Variants in ZNF613 observed in about 807,000 individuals in gnomAD.
ZNF613 encodes zinc finger protein 613.
A neutral mutation model predicts 14.3 loss-of-function variants in ZNF613; 8 were observed. The ratio of observed to expected loss-of-function variants is 0.56; its 90% CI spans 0.33 to 1.01. The LOEUF is 1.01. ZNF613 is among the 50% of genes least tolerant of loss of function. The probability of loss-of-function intolerance (pLI) is 0.03; values close to 1 mark genes in which losing one functional copy is unlikely to be tolerated. For synonymous variants in ZNF613, 228 were observed against 254.5 expected (o/e 0.90, Z 0.99); for missense variants, 656 against 741.9 (o/e 0.88, Z 1.35).
At chr19:51,938,661 A>G (rs954745268) in intron 3 of ZNF613, among the ~76,000 whole-genome samples, 1 of 151,038 alleles carries the variant, frequency 6.6e-6, no homozygotes, top group Admixed American at 6.6e-5. Flanking sequence ...TTCCATGTTC[A>G]AAGCCAGTTC....
chr19:51,942,041 A>G (rs1208963797), intron 5 of ZNF613, among the ~76,000 whole-genome samples: 1 of 152,220 alleles, frequency 6.6e-6, no homozygotes, highest in East Asian at 1.9e-4. Flanking sequence ...AGTGAATCAT[A>G]GCAGTCATAT....
Position 51,936,120 on chromosome 19 carries a change from C to A in ZNF613, c.-101C>A. 7.8e-7 allele frequency: 1 copy of A among 1,288,388 alleles called. No individual in the cohort carries two copies. The highest frequency in any genetic ancestry group is 1.1e-6 in the Non-Finnish European group (1 of 929,076). 79.8% of individuals were successfully genotyped at this position (1,288,388 alleles called of 1,614,324 possible). A position where few individuals can be genotyped will look rare whatever the true frequency, so the allele number is the denominator to read the frequency against. On this transcript the variant is annotated 5_prime_UTR_variant, in exon 3 of 6. Transcript: ENST00000293471. ...TACCATCCTTTGCAGGGATGTAATT[C>A]ACCAGAGACCAAGATTTCTAGCCAG...
Position 51,945,089 on chromosome 19 carries a change from C to T in ZNF613, c.1206C>T (p.Cys402=), listed in dbSNP as rs1020683551. 1 of 1,614,182 alleles carries T rather than the reference C, an allele frequency of 6.2e-7. No homozygotes were observed. Among genetic ancestry groups the T allele is most frequent in the Admixed American group, 1.7e-5 (1 of 60,004 alleles). The change falls in exon 6 of 6, where the codon TGC becomes TGT. Residue 402 remains cysteine, a synonymous_variant. Transcript: ENST00000293471. ...ATACTGGAGAAAAACCCTATATATG[C>T]AATGAATGTGGAAAAGGCTTCATCC... The part of the protein sequence containing the change: ...RIHTGEKPYI[C]NECGKGFIQK...
intron 2 of ZNF613, among the ~76,000 whole-genome samples, chr19:51,933,477 T>G (rs900322380): frequency 1.9e-4 from 29 of 152,148 alleles, no homozygotes; most frequent in Admixed American, 5.2e-4. Context: ...AGGGTCTCAC[T>G]CTGTCACCTA....
chr19:51,931,762 C>T (rs563866682), intron 2 of ZNF613, among the ~76,000 whole-genome samples: 61 of 152,296 alleles, frequency 4.0e-4, no homozygotes, highest in African/African-American at 1.4e-3. Flanking sequence ...TTCACATTCT[C>T]CCCTCCAGTA....
At chr19:51,928,533 A>G (rs907725913) in intron 1 of ZNF613, among the ~76,000 whole-genome samples, 3 of 152,164 alleles carry the variant, frequency 2.0e-5, no homozygotes, top group Non-Finnish European at 2.9e-5. Flanking sequence ...GTAAATAGGA[A>G]AGCTTTGGGG....
Position 51,945,744 on chromosome 19 carries a change from T to A in ZNF613, c.*7T>A, listed in dbSNP as rs376311627. 5 of 1,613,632 alleles carry A rather than the reference T, an allele frequency of 3.1e-6. No individual in the cohort carries two copies. In the African/African-American group the frequency reaches 4.0e-5, roughly 13 times the overall value. On this transcript the variant is annotated 3_prime_UTR_variant, in exon 6 of 6. Coordinates refer to ENST00000293471, the MANE Select transcript of ZNF613 (RefSeq NM_001031721.4). ...TAGAATTTGCACAGAATAAAAACCATATGAATGCAGTGAATGTGGTAGTGC... is the reference window on the plus strand; with the variant it reads ...TAGAATTTGCACAGAATAAAAACCAAATGAATGCAGTGAATGTGGTAGTGC...
intron 5 of ZNF613, chr19:51,942,701 T>C (rs1422950466): frequency 2.4e-5 from 2 of 83,924 alleles, no homozygotes; most frequent in East Asian, 2.3e-4. Flanking sequence ...AATGACTTGA[T>C]TTTTTTTTTT....
In ZNF613 at chr19:51,944,623, T is replaced by A. The variant is rs1170181203; in HGVS notation, c.740T>A (p.Leu247His). 3.1e-6 allele frequency: 5 copies of A among 1,614,150 alleles called. No individual in the cohort carries two copies. In the South Asian group the frequency reaches 5.5e-5, roughly 18 times the overall value. Residue 247 changes from leucine (L) to histidine (H), a missense_variant, in exon 6 of 6, where the codon CTC (leucine) becomes CAC (histidine). Leu to His is a moderately conservative substitution (Grantham distance 99). Coordinates refer to ENST00000293471, the MANE Select transcript of ZNF613 (RefSeq NM_001031721.4). ...CGKAFSRKSG[L>H]TEHQRNHTGE... is the part of the protein sequence containing the mutation. ...AAAGCCTTCTCCAGAAAGTCCGGGCTCACTGAACACCAGAGAAACCACACA... is the reference window on the plus strand; with the variant it reads ...AAAGCCTTCTCCAGAAAGTCCGGGCACACTGAACACCAGAGAAACCACACA...
Position 51,945,929 on chromosome 19 carries a change from A to C in ZNF613, c.*192A>C. The C allele has an allele frequency of 1.6e-6, 1 of 608,292 alleles. No homozygotes were observed. Among genetic ancestry groups the C allele is most frequent in the Non-Finnish European group, 2.9e-6 (1 of 348,470 alleles). The allele number at this position is 608,292 out of a possible 1,614,324, so 37.7% of individuals were successfully genotyped here. ...CTGGGAAATTCTTTTATGGGAAGAT[A>C]GATCTTCTCATCAGTGACCATAGAT... is the stretch of plus-strand genomic sequence containing the variant. On this transcript the variant is annotated 3_prime_UTR_variant, in exon 6 of 6. Coordinates refer to ENST00000293471, the MANE Select transcript of ZNF613 (RefSeq NM_001031721.4).
intron 5 of ZNF613, among the ~76,000 whole-genome samples, chr19:51,943,201 T>C (rs1204222444): frequency 6.6e-6 from 1 of 152,208 alleles, no homozygotes; most frequent in Non-Finnish European, 1.5e-5. Flanking sequence ...TCCATCTAGG[T>C]AGAAGGGGTG....
chr19:51,945,413 A>G lies in ZNF613; in HGVS notation c.1530A>G (p.Arg510=), dbSNP rs755058964. 1 of 1,613,740 alleles carries G rather than the reference A, an allele frequency of 6.2e-7. No individual in the cohort carries two copies. Among genetic ancestry groups the G allele is most frequent in the Non-Finnish European group, 8.5e-7 (1 of 1,179,730 alleles). ...NRHRRTHTGE[R]PYGCSDCGKA... The stretch of plus-strand genomic sequence containing the variant: ...ATCGGAGAACTCATACAGGGGAGAG[A>G]CCGTATGGATGCTCTGATTGTGGGA... Residue 510 remains arginine, a synonymous_variant, in exon 6 of 6, where the codon AGA becomes AGG. Coordinates refer to ENST00000293471, the MANE Select transcript of ZNF613 (RefSeq NM_001031721.4).
intron 1 of ZNF613, among the ~76,000 whole-genome samples, chr19:51,929,522 G>C (rs2085246908): frequency 6.6e-6 from 1 of 152,048 alleles, no homozygotes. Context: ...TATTTACATT[G>C]TTTTTGGTCA....
chr19:51,943,052 A>G (rs1397882431), intron 5 of ZNF613, among the ~76,000 whole-genome samples: 2 of 152,204 alleles, frequency 1.3e-5, no homozygotes, highest in Non-Finnish European at 2.9e-5. Context: ...AGTTTTGAGT[A>G]GAAGAGTGAC....
At position 51,944,358 on chromosome 19, in the gene ZNF613, G is replaced by A; in HGVS notation, c.475G>A (p.Gly159Arg). 6.2e-7 allele frequency: 1 copy of A among 1,600,688 alleles called. No homozygotes were observed. Among genetic ancestry groups the A allele is most frequent in the South Asian group, 1.1e-5 (1 of 90,218 alleles). ...AATCAAGAATTCTGTGGGGGTTAAT[G>A]GAGATGGGAAATCCTTCCTTCATGC... ...YEIKNSVGVN[G>R]DGKSFLHAKH... The change falls in exon 6 of 6, where the codon GGA (glycine) becomes AGA (arginine). Residue 159 changes from glycine to arginine, a missense_variant. Gly to Arg is a moderately radical substitution (Grantham distance 125). Coordinates refer to ENST00000293471, the MANE Select transcript of ZNF613 (RefSeq NM_001031721.4).
chr19:51,944,768 AG>A lies in ZNF613; in HGVS notation c.887del (p.Gly296AlafsTer148). 1 of 1,613,538 alleles carries A rather than the reference AG, an allele frequency of 6.2e-7. No individual in the cohort carries two copies. Among genetic ancestry groups the A allele is most frequent in the Non-Finnish European group, 8.5e-7 (1 of 1,179,922 alleles). ...CATATATATGCAGTGATTGTGGAAA[AG>A]GCTTCATCAAGAAGTCTCGGCTCAT... Reference protein sequence around the residue: ...KSYICSDCGKGFIKKSRLINH... With the variant: ...KSYICSDCGKXFIKKSRLINH... On this transcript the variant is annotated frameshift_variant, in exon 6 of 6. Coordinates refer to ENST00000293471, the MANE Select transcript of ZNF613 (RefSeq NM_001031721.4). LOFTEE classifies it low-confidence loss of function (END_TRUNC).
intron 1 of ZNF613, among the ~76,000 whole-genome samples, chr19:51,928,644 C>G (rs1356008961): frequency 2.0e-5 from 3 of 152,022 alleles, no homozygotes; most frequent in South Asian, 2.1e-4. Context: ...GCGAATTGCT[C>G]GAGCCTAGAA....
Position 51,936,070 on chromosome 19 carries a change from T to C in ZNF613, c.-151T>C. ...CAGGAGCAAGACACTTCAAGTGAGG[T>C]GAGGAGGAGGTTCCAGGACCTGGAT... On this transcript the variant is annotated 5_prime_UTR_variant, in exon 3 of 6. Transcript: ENST00000293471. 1 of 674,746 alleles carries C rather than the reference T, an allele frequency of 1.5e-6. No homozygotes were observed. The highest frequency in any genetic ancestry group is 2.4e-5 in the South Asian group (1 of 41,974). The allele number at this position is 674,746 out of a possible 1,614,324, so 41.8% of individuals were successfully genotyped here.
chr19:51,940,282 A>G lies in ZNF613; in HGVS notation c.89A>G (p.Lys30Arg). 1.9e-6 allele frequency: 3 copies of G among 1,613,840 alleles called. No individual in the cohort carries two copies. The highest frequency in any genetic ancestry group is 2.5e-6 in the Non-Finnish European group (3 of 1,179,840). The part of the protein sequence containing the change: ...EEWQLLGPAQ[K>R]DLYRDVMLEN... ...TGGCAGCTCCTCGGCCCTGCTCAGAAGGACCTGTACCGAGACGTGATGTTG... is the reference window on the plus strand; with the variant it reads ...TGGCAGCTCCTCGGCCCTGCTCAGAGGGACCTGTACCGAGACGTGATGTTG... The change falls in exon 4 of 6, where the codon AAG becomes AGG. Residue 30 changes from lysine (K) to arginine (R), a missense_variant. Physicochemically the swap from Lys to Arg is conservative, Grantham distance 26. Coordinates refer to ENST00000293471, the MANE Select transcript of ZNF613 (RefSeq NM_001031721.4).
Sources: allele counts gnomAD v4.1 joint callset (sites outside exome capture counted in the v4.1 genomes callset), GRCh38; gene constraint gnomAD v4.1.1; transcripts MANE v1.5; gene names NCBI Gene and HGNC (gene_info 2026-07-23, HGNC 2026-07-21).